RMDN2: variants seen among roughly 807,000 people sequenced by gnomAD.
RMDN2 encodes the protein regulator of microtubule dynamics 2.
A neutral mutation model predicts 52.8 loss-of-function variants in RMDN2; 61 were observed. That is an observed-to-expected ratio of 1.16 (90% CI 0.94 to 1.43). The LOEUF (loss-of-function observed/expected upper bound fraction) is 1.43. RMDN2 is among the 40% of genes most tolerant of loss of function. The pLI is 0.00. For missense variants in RMDN2, 592 were observed against 475.3 expected (o/e 1.25, Z -2.28); for synonymous variants, 180 against 153.1 (o/e 1.18, Z -1.30).
upstream of RMDN2, among the ~76,000 whole-genome samples, chr2:37,925,052 G>C (rs1465364018): frequency 1.3e-5 from 2 of 152,244 alleles, no homozygotes; most frequent in Non-Finnish European, 2.9e-5. Context: ...AACGCGCTGG[G>C]GCTAGCGCGG....
upstream of RMDN2, among the ~76,000 whole-genome samples, chr2:37,922,352 C>A (rs1463398463): frequency 3.3e-5 from 5 of 150,996 alleles, no homozygotes; most frequent in African/African-American, 1.2e-4. Flanking sequence ...ATATTGGTAA[C>A]TGTTAAAGGG....
chr2:37,952,695 T>G (rs1390712845), intron 2 of RMDN2: 2 of 159,302 alleles, frequency 1.3e-5, no homozygotes, highest in African/African-American at 4.8e-5. Context: ...ATGCCTGATG[T>G]TCCACTGACA....
At chr2:37,977,687 C>T (rs1312543528) in intron 4 of RMDN2, among the ~76,000 whole-genome samples, 4 of 146,874 alleles carry the variant, frequency 2.7e-5, no homozygotes, top group Non-Finnish European at 6.0e-5. Flanking sequence ...CAGACGGGGT[C>T]GCGGCCGGGT....
At chr2:38,017,772 A>G, downstream of RMDN2, 1 of 290,726 alleles carries the variant, frequency 3.4e-6, no homozygotes, top group Non-Finnish European at 6.8e-6. Context: ...CCATGTGAAG[A>G]GACCACCAAA....
At chr2:38,006,179 A>G (rs957110962) in intron 10 of RMDN2, among the ~76,000 whole-genome samples, 2 of 152,094 alleles carry the variant, frequency 1.3e-5, no homozygotes, top group Admixed American at 6.5e-5. Context: ...TTGACTTGGC[A>G]ATGTGGGCTC....
intron 2 of RMDN2, among the ~76,000 whole-genome samples, chr2:37,934,026 G>T (rs1012677349): frequency 2.0e-5 from 3 of 152,118 alleles, no homozygotes; most frequent in African/African-American, 7.2e-5. Context: ...GGTGGGATGT[G>T]CTCTTCATAC....
rs1368532460 is a variant in RMDN2 at position 38,017,210 on chromosome 2, C to G, written c.1204C>G (p.Gln402Glu). ...KEDKEAQKEM[Q>E]KIMTSLKR Reference sequence around the variant, plus strand: ...GGATAAAGAGGCACAGAAAGAGATGCAAAAAATAATGACTTCCTTGAAGAG... The same window carrying G: ...GGATAAAGAGGCACAGAAAGAGATGGAAAAAATAATGACTTCCTTGAAGAG... Residue 402 changes from glutamine to glutamate, a missense_variant, in exon 11 of 11, where the codon CAA becomes GAA. Physicochemically the swap from Gln to Glu is conservative, Grantham distance 29 (BLOSUM62 2). Coordinates refer to ENST00000354545, the MANE Select transcript of RMDN2 (RefSeq NM_001170791.3). The G allele has an allele frequency of 1.3e-6, 2 of 1,530,826 alleles. No homozygotes were observed. The highest frequency in any genetic ancestry group is 1.4e-5 in the African/African-American group (1 of 72,332). The allele number at this position is 1,530,826 out of a possible 1,614,324, so 94.8% of individuals were successfully genotyped here. A position where few individuals can be genotyped will look rare whatever the true frequency, so the allele number is the denominator to read the frequency against.
chr2:37,974,101 A>G lies in RMDN2; in HGVS notation c.514A>G (p.Thr172Ala), dbSNP rs1444449572. ...QSFPVPKAFN[T>A]RVEELNLDVL... ...TTTTCCAGTCCCTAAGGCATTTAAC[A>G]CACGTGTAGAGGAATTAAATTTAGA... The change falls in exon 3 of 11, where the codon ACA becomes GCA. Residue 172 changes from threonine (T) to alanine (A), a missense_variant. Coordinates refer to ENST00000354545, the MANE Select transcript of RMDN2 (RefSeq NM_001170791.3). The G allele has an allele frequency of 3.1e-6, 5 of 1,612,534 alleles. No homozygotes were observed. The highest frequency in any genetic ancestry group is 3.3e-5 in the Admixed American group (2 of 59,966).
intron 2 of RMDN2, among the ~76,000 whole-genome samples, chr2:37,955,185 T>C (rs922593418): frequency 6.6e-6 from 1 of 152,154 alleles, no homozygotes; most frequent in African/African-American, 2.4e-5. Context: ...GATGCCTTTA[T>C]TTCGTCATCT....
intron 5 of RMDN2, among the ~76,000 whole-genome samples, chr2:37,983,997 C>G (rs1415554054): frequency 2.6e-5 from 4 of 152,134 alleles, no homozygotes; most frequent in Non-Finnish European, 4.4e-5. Flanking sequence ...CTATCTGGCC[C>G]TACTGCAAGA....
chr2:37,974,989 A>G (rs1672277032), intron 3 of RMDN2: 4 of 498,692 alleles, frequency 8.0e-6, no homozygotes, highest in Middle Eastern at 5.4e-4. Context: ...GATAATATTA[A>G]TTGGTTTTAA....
At chr2:37,961,420 C>T (rs1670223803) in intron 2 of RMDN2, among the ~76,000 whole-genome samples, 1 of 151,828 alleles carries the variant, frequency 6.6e-6, no homozygotes, top group Non-Finnish European at 1.5e-5. Flanking sequence ...CTTGTCTTTA[C>T]AATTTATTTC....
rs114624371 is a variant in RMDN2, at chr2:37,978,738, A to G, written c.731-2545A>G. On this transcript the variant is annotated intron_variant, in intron 4 of 10. Transcript: ENST00000354545. ...AGCCACAGTGAGCCATGATCTCACC[A>G]CTGCACTGCAGAGTGGGTAACAGAG... Among the ~76,000 whole-genome samples, 411 of 152,228 alleles carry G rather than the reference A, an allele frequency of 2.7e-3. 2 individuals carry two copies. Among genetic ancestry groups the G allele is most frequent in the Middle Eastern group, 0.01 (3 of 294 alleles).
rs1666576723 is a variant in RMDN2 at position 37,929,836 on chromosome 2, A to C, written c.452+107A>C. The stretch of plus-strand genomic sequence containing the variant: ...CAGTCATATATCCTGCTGCTCACAT[A>C]AAATGAAAAGGAGTGATATTTTGAC... On this transcript the variant is annotated intron_variant, in intron 2 of 10. Coordinates refer to ENST00000354545, the MANE Select transcript of RMDN2 (RefSeq NM_001170791.3). The C allele has an allele frequency of 1.5e-5, 11 of 711,646 alleles. No homozygotes were observed. In the Admixed American group the frequency reaches 2.4e-4, roughly 16 times the overall value. The allele number at this position is 711,646 out of a possible 1,614,324, so 44.1% of individuals were successfully genotyped here.
At chr2:37,950,594 A>C in intron 2 of RMDN2, 1 of 1,613,178 alleles carries the variant, frequency 6.2e-7, no homozygotes, top group Non-Finnish European at 8.5e-7. Flanking sequence ...AAAGTGCTTA[A>C]GGTAAGCCTT....
intron 10 of RMDN2, among the ~76,000 whole-genome samples, chr2:38,031,265 T>A (rs1185264373): frequency 6.8e-6 from 1 of 146,058 alleles, no homozygotes; most frequent in Non-Finnish European, 1.5e-5. Flanking sequence ...CCTTTTTTTT[T>A]TTTTTTTTTT....
chr2:38,050,358 A>T (rs1573236035), intron 10 of RMDN2, among the ~76,000 whole-genome samples: 1 of 151,354 alleles, frequency 6.6e-6, no homozygotes, highest in African/African-American at 2.4e-5. Flanking sequence ...AAAAAAAAAA[A>T]TAAAAAAAAA....
At chr2:38,061,751 C>A (rs562707060) in intron 10 of RMDN2, among the ~76,000 whole-genome samples, 1 of 152,278 alleles carries the variant, frequency 6.6e-6, no homozygotes, top group Admixed American at 6.5e-5. Flanking sequence ...GGCCTGGGTG[C>A]CTTGTTCATT....
chr2:38,055,535 C>T (rs1681826641), intron 10 of RMDN2, among the ~76,000 whole-genome samples: 1 of 152,152 alleles, frequency 6.6e-6, no homozygotes, highest in Non-Finnish European at 1.5e-5. Context: ...AGTTGGTTTA[C>T]TTAATGGCTT....
Sources: allele counts gnomAD v4.1 joint callset (sites outside exome capture counted in the v4.1 genomes callset), GRCh38; gene constraint gnomAD v4.1.1; transcripts MANE v1.5; gene names NCBI Gene and HGNC (gene_info 2026-07-23, HGNC 2026-07-21).